Variants in PLCG2 observed in about 807,000 individuals in gnomAD.
The protein encoded by PLCG2 is 1-phosphatidylinositol 4,5-bisphosphate phosphodiesterase gamma-2.
In PLCG2, 69 loss-of-function variants were observed where a neutral mutation model predicts 175.6. The observed-to-expected ratio is 0.39, with a 90% CI of 0.32 to 0.48. The LOEUF (loss-of-function observed/expected upper bound fraction) is 0.48, where lower values mean the gene tolerates loss of function less well. Ranked by LOEUF, PLCG2 falls within the 20% of genes least tolerant of loss-of-function variation. PLCG2 has a pLI of 0.91. For missense variants in PLCG2, 1,798 were observed against 1,650.9 expected (o/e 1.09, Z -1.54); for synonymous variants, 827 against 624.0 (o/e 1.33, Z -4.85).
chr16:81,790,233 T>C (rs1009777875), intron 2 of PLCG2, among the ~76,000 whole-genome samples: 23 of 152,188 alleles, frequency 1.5e-4, no homozygotes, highest in African/African-American at 4.6e-4. Context: ...TGCTAACTAG[T>C]GGAGTCCAGC....
At position 81,923,464 on chromosome 16, in the gene PLCG2, CCTT is replaced by C. The variant is rs1382355996; in HGVS notation, c.2308-17_2308-15del. 6.5e-7 allele frequency: 1 copy of C among 1,540,946 alleles called. No homozygotes were observed. The highest frequency in any genetic ancestry group is 1.1e-5 in the South Asian group (1 of 89,294). ...CCTCCTGTCCCTGGCCTGACCTTTTCCTTCTTGTTTTCCCTGAAAGCCTCAGAG... is the reference window on the plus strand; with the variant it reads ...CCTCCTGTCCCTGGCCTGACCTTTTCCTTGTTTTCCCTGAAAGCCTCAGAG... On this transcript the variant is annotated intron_variant, in intron 21 of 32. Coordinates refer to ENST00000564138, the MANE Select transcript of PLCG2 (RefSeq NM_002661.5).
intron 7 of PLCG2, among the ~76,000 whole-genome samples, chr16:81,874,963 T>A (rs796856161): frequency 3.6e-5 from 2 of 56,192 alleles, no homozygotes; most frequent in African/African-American, 9.8e-5. Flanking sequence ...TTTTTTTTTT[T>A]TTTTTTTTTT....
At chr16:81,880,634 T>G (rs1224824064) in intron 7 of PLCG2, among the ~76,000 whole-genome samples, 2 of 152,170 alleles carry the variant, frequency 1.3e-5, no homozygotes. Context: ...TAAATGAATA[T>G]CCCTAAAACA....
At chr16:81,872,713 G>A (rs1042841390) in intron 7 of PLCG2, among the ~76,000 whole-genome samples, 3 of 152,228 alleles carry the variant, frequency 2.0e-5, no homozygotes, top group African/African-American at 7.2e-5. Context: ...GAGGGCTTGG[G>A]GAGTACCTGG....
intron 12 of PLCG2, among the ~76,000 whole-genome samples, chr16:81,894,842 C>T (rs993652689): frequency 2.0e-5 from 3 of 150,920 alleles, no homozygotes; most frequent in Non-Finnish European, 3.0e-5. Context: ...CGCTGCACGC[C>T]AGCCTGGGCA....
At chr16:81,740,644 G>T (rs1190584834) in intron 1 of PLCG2, 1 of 141,378 alleles carries the variant, frequency 7.1e-6, no homozygotes, top group African/African-American at 2.6e-5. Context: ...TGAGGCAGGA[G>T]AACTTGGGAG....
chr16:81,944,197 A>T (rs1472513751), intron 30 of PLCG2, among the ~76,000 whole-genome samples: 1 of 152,224 alleles, frequency 6.6e-6, no homozygotes, highest in Non-Finnish European at 1.5e-5. Flanking sequence ...TTTGAATTGT[A>T]TACATAAATA....
At chr16:81,930,106 T>G (rs929515333) in intron 24 of PLCG2, among the ~76,000 whole-genome samples, 3 of 152,070 alleles carry the variant, frequency 2.0e-5, no homozygotes, top group Non-Finnish European at 4.4e-5. Flanking sequence ...GAGGCTGAGG[T>G]GGGTGGATCC....
At chr16:81,782,808 A>C (rs1272421682) in intron 1 of PLCG2, among the ~76,000 whole-genome samples, 1 of 152,196 alleles carries the variant, frequency 6.6e-6, no homozygotes, top group Non-Finnish European at 1.5e-5. Context: ...GGGCCCCTCC[A>C]ACAGTTGAAT....
At chr16:81,796,532 A>C (rs948759027) in intron 2 of PLCG2, among the ~76,000 whole-genome samples, 11 of 152,180 alleles carry the variant, frequency 7.2e-5, no homozygotes, top group Admixed American at 4.6e-4. Flanking sequence ...TTACGGATTG[A>C]ATTGTCCTTA....
At chr16:81,893,957 C>CTT (rs1567520283) in intron 12 of PLCG2, among the ~76,000 whole-genome samples, 163 bp downstream of exon 12, 1 of 142,010 alleles carries the variant, frequency 7.0e-6, no homozygotes, top group African/African-American at 2.6e-5. Context: ...TTTCTTTTTT[C>CTT]TTTCTTTTTT....
chr16:81,938,635 A>C, intron 28 of PLCG2, 166 bp from the exon 29 acceptor site: 1 of 598,068 alleles, frequency 1.7e-6, no homozygotes, highest in Non-Finnish European at 3.0e-6. Flanking sequence ...ACCACAGTCC[A>C]CCTTCATCCA....
At chr16:81,748,966 C>A (rs1001548839) in intron 1 of PLCG2, among the ~76,000 whole-genome samples, 1 of 152,204 alleles carries the variant, frequency 6.6e-6, no homozygotes, top group Non-Finnish European at 1.5e-5. Context: ...CCTCTCCAGG[C>A]ACTGAGGCCT....
intron 2 of PLCG2, among the ~76,000 whole-genome samples, chr16:81,808,301 A>G (rs1904291217): frequency 6.6e-6 from 1 of 151,396 alleles, no homozygotes; most frequent in African/African-American, 2.4e-5. Flanking sequence ...TTGGAGGCAA[A>G]CCCCTCCCCT....
At chr16:81,761,904 T>G (rs1910049545) in intron 2 of PLCG2, among the ~76,000 whole-genome samples, 1 of 150,150 alleles carries the variant, frequency 6.7e-6, no homozygotes, top group African/African-American at 2.5e-5. Context: ...TGATCTCGGC[T>G]CACTCTAACC....
intron 8 of PLCG2, among the ~76,000 whole-genome samples, chr16:81,882,604 A>T (rs1020098077): frequency 6.6e-6 from 1 of 151,184 alleles, no homozygotes; most frequent in Admixed American, 6.6e-5. Flanking sequence ...TTGCTCTGCA[A>T]TCCCTCCCTC....
intron 30 of PLCG2, among the ~76,000 whole-genome samples, chr16:81,940,828 A>C (rs1420151122): frequency 2.0e-5 from 3 of 152,184 alleles, no homozygotes; most frequent in African/African-American, 4.8e-5. Context: ...TCTCTAGTTT[A>C]CTTTCCCACT....
At position 81,960,292 on chromosome 16, in the gene PLCG2, G is replaced by A. The variant is rs567107394; in HGVS notation, c.*2294G>A. The A allele has an allele frequency of 9.1e-6, 2 of 220,400 alleles. No individual in the cohort carries two copies. The highest frequency in any genetic ancestry group is 1.3e-4 in the East Asian group (2 of 14,982). The allele number at this position is 220,400 out of a possible 1,614,324, so 13.7% of individuals were successfully genotyped here. A position where few individuals can be genotyped will look rare whatever the true frequency, so the allele number is the denominator to read the frequency against. On this transcript the variant is annotated 3_prime_UTR_variant, in exon 33 of 33. Coordinates refer to ENST00000564138, the MANE Select transcript of PLCG2 (RefSeq NM_002661.5). ...GTCTATGTGATGCTACATAACTTCA[G>A]TATCTAGCTGAGACATGCTTCCTAC...
intron 14 of PLCG2, among the ~76,000 whole-genome samples, chr16:81,902,995 C>A (rs764208822): frequency 6.6e-6 from 1 of 152,186 alleles, no homozygotes; most frequent in Non-Finnish European, 1.5e-5. Flanking sequence ...TGGGTTCCTC[C>A]TATGACACGT....
Sources: gnomAD v4.1 joint callset for allele counts (sites outside exome capture counted in the v4.1 genomes callset) on GRCh38, gnomAD v4.1.1 for gene constraint, MANE v1.5 for transcripts, NCBI Gene and HGNC (gene_info 2026-07-23, HGNC 2026-07-21) for gene names.